SULF1: variants seen among roughly 807,000 people sequenced by gnomAD.
SULF1 encodes sulfatase 1, also known as extracellular sulfatase Sulf-1.
SULF1 carries 46 observed loss-of-function variants against 110.5 expected under a neutral mutation model. The ratio of observed to expected loss-of-function variants is 0.42; its 90% confidence interval spans 0.33 to 0.53. The LOEUF (loss-of-function observed/expected upper bound fraction) is 0.53, where lower values mean the gene tolerates loss of function less well. Ranked by LOEUF, SULF1 falls within the 20% of genes least tolerant of loss-of-function variation. The pLI is 0.12. For synonymous variants in SULF1, 371 were observed against 387.1 expected, an observed-to-expected ratio of 0.96 and a Z score of 0.49; for missense variants, 941 against 1,094.2, an observed-to-expected ratio of 0.86 and a Z score of 1.98.
At chr8:69,629,995 T>C (rs912076320) in intron 19 of SULF1, among the ~76,000 whole-genome samples, 2 of 152,174 alleles carry the variant, frequency 1.3e-5, no homozygotes, top group African/African-American at 4.8e-5. Context: ...ACGCAAGGGA[T>C]GAACATCCCG....
intron 3 of SULF1, among the ~76,000 whole-genome samples, chr8:69,559,579 A>G (rs1392845212): frequency 6.6e-6 from 1 of 152,232 alleles, no homozygotes; most frequent in Non-Finnish European, 1.5e-5. Flanking sequence ...TTGAAATGAT[A>G]GGCTCATTTC....
chr8:69,644,955 T>C (rs778020415), intron 22 of SULF1, among the ~76,000 whole-genome samples: 45 of 152,286 alleles, frequency 3.0e-4, no homozygotes, highest in Non-Finnish European at 5.3e-4. Flanking sequence ...CTAGCACTGT[T>C]GGACTTTTCT....
chr8:69,653,853 G>T (rs1476296814), intron 22 of SULF1, among the ~76,000 whole-genome samples: 2 of 152,146 alleles, frequency 1.3e-5, no homozygotes, highest in African/African-American at 4.8e-5. Context: ...TGAACTGGGG[G>T]TAGACCAAAT....
chr8:69,513,092 A>T (rs1376212149), intron 3 of SULF1, among the ~76,000 whole-genome samples: 2 of 152,138 alleles, frequency 1.3e-5, no homozygotes, highest in Non-Finnish European at 2.9e-5. Flanking sequence ...TTATTCTTAG[A>T]TTTAGCACAG....
chr8:69,658,448 A>G, intron 22 of SULF1, 57 bp from the exon 23 acceptor site: 1 of 1,278,928 alleles, frequency 7.8e-7, no homozygotes, highest in Non-Finnish European at 1.1e-6. Flanking sequence ...TTGCTTGTCC[A>G]GGTAAGTAGA....
At chr8:69,502,833 G>T (rs781243116) in intron 3 of SULF1, among the ~76,000 whole-genome samples, 1 of 151,484 alleles carries the variant, frequency 6.6e-6, no homozygotes, top group African/African-American at 2.4e-5. Flanking sequence ...GATTACAGGC[G>T]CCTGCCACCA....
chr8:69,515,345 T>G (rs868146415), intron 3 of SULF1, among the ~76,000 whole-genome samples: 28 of 152,154 alleles, frequency 1.8e-4, no homozygotes, highest in African/African-American at 6.8e-4. Context: ...GAAGCAATGG[T>G]CCAAGCTTTA....
chr8:69,555,689 G>A (rs1815066581), intron 3 of SULF1, among the ~76,000 whole-genome samples: 1 of 151,834 alleles, frequency 6.6e-6, no homozygotes, highest in African/African-American at 2.4e-5. Flanking sequence ...GGGTTCTCTT[G>A]ACTGCAGCTT....
At chr8:69,500,326 C>T (rs1407277029) in intron 2 of SULF1, among the ~76,000 whole-genome samples, 1 of 152,126 alleles carries the variant, frequency 6.6e-6, no homozygotes, top group Admixed American at 6.5e-5. Context: ...TTTTAAATTC[C>T]CATTTGTCAG....
intron 3 of SULF1, among the ~76,000 whole-genome samples, chr8:69,556,319 T>G (rs969864610): frequency 1.3e-5 from 2 of 152,216 alleles, no homozygotes; most frequent in Non-Finnish European, 2.9e-5. Flanking sequence ...CAATGAAATG[T>G]TAGAAGTGAA....
At chr8:69,582,376 G>A (rs999696259) in intron 6 of SULF1, among the ~76,000 whole-genome samples, 1 of 152,016 alleles carries the variant, frequency 6.6e-6, no homozygotes, top group African/African-American at 2.4e-5. Context: ...CAAAAGACAG[G>A]GCCAAAAGAA....
chr8:69,534,702 C>T (rs1813321564), intron 3 of SULF1, among the ~76,000 whole-genome samples: 1 of 151,824 alleles, frequency 6.6e-6, no homozygotes, highest in Non-Finnish European at 1.5e-5. Flanking sequence ...TTTTTTGAGA[C>T]AAGATAGCAG....
chr8:69,605,893 G>A (rs2130431372), intron 13 of SULF1, among the ~76,000 whole-genome samples: 1 of 152,290 alleles, frequency 6.6e-6, no homozygotes, highest in East Asian at 1.9e-4. Flanking sequence ...ATGGGCAGCT[G>A]GGATTCAAAC....
chr8:69,628,196 A>C lies in SULF1; in HGVS notation c.2068A>C (p.Lys690Gln). The change falls in exon 18 of 23, where the codon AAA becomes CAA. Residue 690 changes from lysine to glutamine, a missense_variant. Coordinates refer to ENST00000402687, the MANE Select transcript of SULF1 (RefSeq NM_001128205.2). ...QSYYNKEKGVKKQEKLKSHLH... is the reference protein window; with the variant it reads ...QSYYNKEKGVQKQEKLKSHLH... ...CTATTACAATAAAGAGAAAGGTGTAAAAAAGCAAGAGAAATTAAAGAGCCA... is the reference window on the plus strand; with the variant it reads ...CTATTACAATAAAGAGAAAGGTGTACAAAAGCAAGAGAAATTAAAGAGCCA... 1.2e-6 allele frequency: 2 copies of C among 1,613,996 alleles called. No homozygotes were observed. Among genetic ancestry groups the C allele is most frequent in the Non-Finnish European group, 1.7e-6 (2 of 1,179,834 alleles).
At chr8:69,608,030 C>A (rs745598350) in intron 13 of SULF1, among the ~76,000 whole-genome samples, 2 of 152,124 alleles carry the variant, frequency 1.3e-5, no homozygotes, top group Admixed American at 6.5e-5. Flanking sequence ...TAGTGAATGC[C>A]CCCCTCCTAC....
chr8:69,528,795 T>G (rs751402467), intron 3 of SULF1, among the ~76,000 whole-genome samples: 67 of 151,756 alleles, frequency 4.4e-4, no homozygotes, highest in Admixed American at 2.6e-3. Flanking sequence ...CCACAGTGGG[T>G]TTGTTGTTGT....
chr8:69,623,944 T>C lies in SULF1; in HGVS notation c.1597T>C (p.Tyr533His). 6.2e-7 allele frequency: 1 copy of C among 1,612,448 alleles called. No individual in the cohort carries two copies. Among genetic ancestry groups the C allele is most frequent in the African/African-American group, 1.3e-5 (1 of 75,038 alleles). The change falls in exon 15 of 23, where the codon TAC becomes CAC. Residue 533 changes from tyrosine to histidine, a missense_variant and splice_region_variant. By Grantham distance (83) the Tyr-to-His change is moderately conservative. Around this residue, in one of 3 missense-constraint regions of SULF1, gnomAD observed 822 missense variants for 934.3 expected, o/e 0.88. Transcript: ENST00000402687. ...AATGTATCTTCCCTTACTTCTAGAG[T>C]ACAAGCCCAGATTTGTCCATACTCG... Reference protein sequence around the residue: ...QFLRNQGTPKYKPRFVHTRQT... With the variant: ...QFLRNQGTPKHKPRFVHTRQT...
chr8:69,505,588 T>G (rs967388582), intron 3 of SULF1, among the ~76,000 whole-genome samples: 1 of 152,120 alleles, frequency 6.6e-6, no homozygotes, highest in Non-Finnish European at 1.5e-5. Context: ...AGGTGGTTTT[T>G]AAAATTGCCC....
At chr8:69,477,380 A>G (rs1434939216) in intron 1 of SULF1, among the ~76,000 whole-genome samples, 1 of 152,216 alleles carries the variant, frequency 6.6e-6, no homozygotes. Context: ...GAACTACTAC[A>G]GTAGTCTCAG....
Sources: gnomAD v4.1 joint callset for allele counts (sites outside exome capture counted in the v4.1 genomes callset) on GRCh38, gnomAD v4.1.1 for gene constraint, gnomAD v4.1.1 regional missense constraint, MANE v1.5 for transcripts, NCBI Gene and HGNC (gene_info 2026-07-23, HGNC 2026-07-21) for gene names.